RGS7: variants seen among roughly 807,000 people sequenced by gnomAD.
The protein encoded by RGS7 is regulator of G protein signaling 7.
Under a neutral mutation model 81.1 loss-of-function variants are expected in RGS7, and 27 were observed. The ratio of observed to expected loss-of-function variants is 0.33; its 90% CI spans 0.25 to 0.46. The LOEUF is 0.46. RGS7 is among the 20% of genes least tolerant of loss of function. The pLI is 1.00. For synonymous variants in RGS7, 208 were observed against 207.7 expected (o/e 1.00, Z -0.01); for missense variants, 396 against 607.4 (o/e 0.65, Z 3.66).
chr1:240,801,438 C>T lies in RGS7; in HGVS notation c.1413+17G>A. 2 of 1,555,282 alleles carry T rather than the reference C, an allele frequency of 1.3e-6. No individual in the cohort carries two copies. The highest frequency in any genetic ancestry group is 8.9e-7 in the Non-Finnish European group (1 of 1,129,608). ...TTGGACTTAATGATTCATAATTCCT[C>T]AAAAAATTAAACTTACCACATTCTG... On this transcript the variant is annotated intron_variant, in intron 17 of 18. Coordinates refer to ENST00000440928, the MANE Select transcript of RGS7 (RefSeq NM_001364886.1).
At chr1:241,077,913 C>CA (rs2062894052) in intron 3 of RGS7, among the ~76,000 whole-genome samples, 1 of 151,726 alleles carries the variant, frequency 6.6e-6, no homozygotes, top group African/African-American at 2.4e-5. Context: ...CAGAATGAAG[C>CA]AAAAAACAGG....
At chr1:241,025,931 T>C (rs545311720) in intron 3 of RGS7, among the ~76,000 whole-genome samples, 1 of 152,290 alleles carries the variant, frequency 6.6e-6, no homozygotes, top group African/African-American at 2.4e-5. Flanking sequence ...TGAAATACAG[T>C]CTAAATCTTC....
At chr1:241,335,688 AACACACACAC>A (rs112464128) in intron 2 of RGS7, among the ~76,000 whole-genome samples, 1 of 150,464 alleles carries the variant, frequency 6.6e-6, no homozygotes, top group African/African-American at 2.4e-5. Flanking sequence ...AAGATTTTAA[AACACACACAC>A]ACACACACAC....
intron 2 of RGS7, among the ~76,000 whole-genome samples, chr1:241,238,256 GGGA>G (rs1268122145): frequency 1.3e-5 from 2 of 152,096 alleles, no homozygotes; most frequent in African/African-American, 4.8e-5. Flanking sequence ...TAGAAATTTG[GGGA>G]GGAGAAGAAA....
At chr1:240,939,261 C>CA (rs58892781) in intron 4 of RGS7, among the ~76,000 whole-genome samples, 218 of 151,548 alleles carry the variant, frequency 1.4e-3, no homozygotes, top group Non-Finnish European at 2.2e-3. Context: ...ATTTCCAACA[C>CA]AAAAAAAACA....
At chr1:241,023,576 C>T (rs1467766573) in intron 3 of RGS7, among the ~76,000 whole-genome samples, 1 of 152,194 alleles carries the variant, frequency 6.6e-6, no homozygotes, top group Non-Finnish European at 1.5e-5. Context: ...TGTGATACGC[C>T]CCACTCCAGT....
intron 4 of RGS7, among the ~76,000 whole-genome samples, chr1:240,980,867 T>A (rs1376613777): frequency 1.3e-5 from 2 of 152,208 alleles, no homozygotes; most frequent in Non-Finnish European, 2.9e-5. Flanking sequence ...CTACAGAACA[T>A]GTATGTTCCT....
At chr1:241,284,755 C>T (rs1347878585) in intron 2 of RGS7, among the ~76,000 whole-genome samples, 7 of 152,224 alleles carry the variant, frequency 4.6e-5, no homozygotes, top group Non-Finnish European at 8.8e-5. Flanking sequence ...GTCTAGCCTC[C>T]CCACTCAGCC....
chr1:240,953,291 A>C (rs2148444091), intron 4 of RGS7, among the ~76,000 whole-genome samples: 1 of 152,042 alleles, frequency 6.6e-6, no homozygotes, highest in South Asian at 2.1e-4. Context: ...CAGCAGAGTA[A>C]ATTATTCTAA....
chr1:241,239,038 G>A (rs1288938422), intron 2 of RGS7, among the ~76,000 whole-genome samples: 3 of 142,776 alleles, frequency 2.1e-5, no homozygotes, highest in Non-Finnish European at 3.0e-5. Context: ...GTGCGATCTC[G>A]GCTCACTGCA....
intron 4 of RGS7, among the ~76,000 whole-genome samples, chr1:240,946,912 T>C (rs1205170087): frequency 2.0e-5 from 3 of 152,230 alleles, no homozygotes; most frequent in African/African-American, 4.8e-5. Flanking sequence ...ATGTTTAAAG[T>C]GATGGATACG....
At chr1:240,903,648 A>T (rs1009776158) in intron 6 of RGS7, among the ~76,000 whole-genome samples, 1 of 152,068 alleles carries the variant, frequency 6.6e-6, no homozygotes, top group African/African-American at 2.4e-5. Context: ...TGGATATCTG[A>T]CCCCTCCAAG....
At chr1:241,347,982 T>C (rs969431965) in intron 2 of RGS7, among the ~76,000 whole-genome samples, 1 of 152,234 alleles carries the variant, frequency 6.6e-6, no homozygotes, top group Non-Finnish European at 1.5e-5. Flanking sequence ...GTTTTATCTC[T>C]TGTCTTGGAC....
intron 5 of RGS7, among the ~76,000 whole-genome samples, chr1:240,934,392 A>C (rs1339517288): frequency 6.6e-6 from 1 of 152,224 alleles, no homozygotes; most frequent in Non-Finnish European, 1.5e-5. Flanking sequence ...CGGTGTAATA[A>C]AGAACTTTCG....
At chr1:241,345,303 C>T (rs1244647447) in intron 2 of RGS7, among the ~76,000 whole-genome samples, 1 of 152,038 alleles carries the variant, frequency 6.6e-6, no homozygotes, top group African/African-American at 2.4e-5. Flanking sequence ...TGCTTAATAC[C>T]CGAGTGAAGA....
intron 3 of RGS7, among the ~76,000 whole-genome samples, chr1:241,057,811 G>A (rs567238625): frequency 1.1e-4 from 16 of 152,258 alleles, no homozygotes; most frequent in African/African-American, 3.4e-4. Context: ...ACAGTGAGCC[G>A]GGATCACACC....
rs534032979 is a variant in RGS7 at position 241,228,006 on chromosome 1, C to A, written c.78+127693G>T. Among the ~76,000 whole-genome samples the A allele has an allele frequency of 3.9e-5, 6 of 152,250 alleles. No individual in the cohort carries two copies. In the South Asian group the frequency reaches 1.0e-3, roughly 26 times the overall value. On this transcript the variant is annotated intron_variant, in intron 2 of 18. Coordinates refer to ENST00000440928, the MANE Select transcript of RGS7 (RefSeq NM_001364886.1). ...AGGCTACCTTATGAGTTGCTGGTAG[C>A]CAACAGGAGGTGGTGGTGAAAGTGA...
At chr1:240,790,843 C>T (rs1161327729) in intron 18 of RGS7, among the ~76,000 whole-genome samples, 2 of 152,148 alleles carry the variant, frequency 1.3e-5, no homozygotes, top group Admixed American at 1.3e-4. Context: ...CCCCAGATCT[C>T]CTGAAAGTAC....
intron 2 of RGS7, among the ~76,000 whole-genome samples, chr1:241,217,573 C>T (rs2074644856): frequency 6.6e-6 from 1 of 152,178 alleles, no homozygotes; most frequent in African/African-American, 2.4e-5. Flanking sequence ...AGAGACTCCA[C>T]CAAGACTGAA....
Sources: allele counts gnomAD v4.1 joint callset (sites outside exome capture counted in the v4.1 genomes callset), GRCh38; gene constraint gnomAD v4.1.1; transcripts MANE v1.5; gene names NCBI Gene and HGNC (gene_info 2026-07-23, HGNC 2026-07-21).